L3MBTL4: variants seen among roughly 807,000 people sequenced by gnomAD.
L3MBTL4 encodes the protein L3MBTL histone methyl-lysine binding protein 4, also known as lethal(3)malignant brain tumor-like protein 4.
L3MBTL4 carries 70 observed loss-of-function variants against 84.5 expected under a neutral mutation model. The ratio of observed to expected loss-of-function variants is 0.83; its 90% CI spans 0.68 to 1.01. The LOEUF is 1.01. Among genes scored for constraint, L3MBTL4 ranks in the 50% least tolerant of loss-of-function variants. The pLI is 0.00. For missense variants in L3MBTL4, 715 were observed against 754.8 expected (o/e 0.95, Z 0.62); for synonymous variants, 274 against 259.8 (o/e 1.05, Z -0.52).
intron 1 of L3MBTL4, among the ~76,000 whole-genome samples, chr18:6,390,926 T>C (rs2055022277): frequency 6.6e-6 from 1 of 152,124 alleles, no homozygotes; most frequent in Non-Finnish European, 1.5e-5. Context: ...GTCCCAATCC[T>C]ACTGAAACTA....
At chr18:6,059,507 G>A (rs2057135520) in intron 16 of L3MBTL4, among the ~76,000 whole-genome samples, 1 of 151,942 alleles carries the variant, frequency 6.6e-6, no homozygotes, top group Non-Finnish European at 1.5e-5. Flanking sequence ...AAGAAAACTG[G>A]CTTTCTCATT....
intron 16 of L3MBTL4, among the ~76,000 whole-genome samples, chr18:6,006,046 T>C (rs866573691): frequency 1.3e-5 from 2 of 151,974 alleles, no homozygotes. Flanking sequence ...AAGCCACATC[T>C]ATAACATATG....
chr18:6,331,475 T>C (rs543997204), intron 1 of L3MBTL4, among the ~76,000 whole-genome samples: 4 of 151,984 alleles, frequency 2.6e-5, no homozygotes, highest in African/African-American at 9.6e-5. Flanking sequence ...AAAATTAGTA[T>C]GAAAAAAAAG....
intron 1 of L3MBTL4, among the ~76,000 whole-genome samples, chr18:6,339,286 G>A (rs566081137): frequency 6.6e-5 from 10 of 152,274 alleles, no homozygotes; most frequent in Non-Finnish European, 1.3e-4. Context: ...TTTAATTATA[G>A]TCACTCAAAA....
At chr18:6,169,202 G>T (rs1306582212) in intron 13 of L3MBTL4, among the ~76,000 whole-genome samples, 3 of 152,196 alleles carry the variant, frequency 2.0e-5, no homozygotes, top group African/African-American at 7.2e-5. Context: ...AGGATGTGGA[G>T]AAATGGGAAC....
chr18:6,310,941 G>T (rs777611558), intron 3 of L3MBTL4, among the ~76,000 whole-genome samples: 1 of 152,008 alleles, frequency 6.6e-6, no homozygotes, highest in East Asian at 1.9e-4. Context: ...TCAGTTGAAG[G>T]CCTTAAGAGA....
chr18:6,107,989 C>T (rs1046974594), intron 14 of L3MBTL4, among the ~76,000 whole-genome samples: 6 of 152,174 alleles, frequency 3.9e-5, no homozygotes, highest in South Asian at 2.1e-4. Flanking sequence ...CCAAAAATCG[C>T]GTGCCATGCC....
intron 16 of L3MBTL4, among the ~76,000 whole-genome samples, chr18:6,028,112 A>G (rs965542587): frequency 6.6e-6 from 1 of 152,184 alleles, no homozygotes; most frequent in South Asian, 2.1e-4. Flanking sequence ...GTCTTTGCCC[A>G]TGTATATGTC....
intron 16 of L3MBTL4, among the ~76,000 whole-genome samples, chr18:6,076,611 T>C (rs548531540): frequency 6.6e-5 from 10 of 152,200 alleles, no homozygotes; most frequent in African/African-American, 2.4e-4. Context: ...AACCACAATA[T>C]ATCAATAAGT....
chr18:6,296,026 A>G (rs1365510447), intron 4 of L3MBTL4, among the ~76,000 whole-genome samples: 1 of 152,226 alleles, frequency 6.6e-6, no homozygotes, highest in East Asian at 1.9e-4. Flanking sequence ...TCAGGTAAGG[A>G]ATTACCTCAG....
chr18:6,011,358 C>A (rs1027236757), intron 16 of L3MBTL4, among the ~76,000 whole-genome samples: 2 of 152,108 alleles, frequency 1.3e-5, no homozygotes, highest in Non-Finnish European at 1.5e-5. Flanking sequence ...CCTCCCATGA[C>A]CTCAAAATAA....
At chr18:6,226,542 C>A (rs1286178260) in intron 10 of L3MBTL4, among the ~76,000 whole-genome samples, 1 of 151,944 alleles carries the variant, frequency 6.6e-6, no homozygotes, top group Non-Finnish European at 1.5e-5. Flanking sequence ...TCCTTATTTG[C>A]TCATTTTATA....
intron 1 of L3MBTL4, among the ~76,000 whole-genome samples, chr18:6,407,181 T>C (rs1241465009): frequency 1.3e-5 from 2 of 152,176 alleles, no homozygotes; most frequent in East Asian, 1.9e-4. Context: ...AGATTACTAA[T>C]GATCGACTGC....
intron 15 of L3MBTL4, among the ~76,000 whole-genome samples, chr18:6,088,664 G>C (rs955303453): frequency 6.6e-6 from 1 of 152,152 alleles, no homozygotes; most frequent in South Asian, 2.1e-4. Context: ...AAAAAGGCTG[G>C]TGGATTAAAG....
At chr18:6,031,256 T>C in intron 16 of L3MBTL4, 1 of 985,466 alleles carries the variant, frequency 1.0e-6, no homozygotes, top group African/African-American at 1.7e-5. Flanking sequence ...ATATATCTTC[T>C]GCTAATAAGC....
At chr18:5,964,858 C>A (rs2144725074) in intron 17 of L3MBTL4, among the ~76,000 whole-genome samples, 1 of 152,292 alleles carries the variant, frequency 6.6e-6, no homozygotes. Flanking sequence ...ATAAAACCCA[C>A]CTGCCTATTC....
chr18:6,005,758 T>A (rs1598414412), intron 16 of L3MBTL4, among the ~76,000 whole-genome samples: 1 of 152,200 alleles, frequency 6.6e-6, no homozygotes, highest in Admixed American at 6.5e-5. Context: ...TTTAGGTTGA[T>A]TCCACATTTT....
chr18:6,346,103 AATATATAT>A (rs34294575), intron 1 of L3MBTL4, among the ~76,000 whole-genome samples: 8,369 of 129,806 alleles, frequency 0.064, 746 homozygotes, highest in African/African-American at 0.2. Flanking sequence ...ATGATGTTGG[AATATATAT>A]ATATATATAT....
chr18:6,171,497 A>T (rs1317141712), intron 13 of L3MBTL4, among the ~76,000 whole-genome samples: 2 of 152,236 alleles, frequency 1.3e-5, no homozygotes, highest in Non-Finnish European at 2.9e-5. Context: ...TCAGATGTTT[A>T]AAAAAATAAG....
Sources: allele counts gnomAD v4.1 joint callset (sites outside exome capture counted in the v4.1 genomes callset), GRCh38; gene constraint gnomAD v4.1.1; transcripts MANE v1.5; gene names NCBI Gene and HGNC (gene_info 2026-07-23, HGNC 2026-07-21).